The following KCNK2 variants were observed in gnomAD, a reference collection of about 807,000 sequenced individuals.
The protein encoded by KCNK2 is potassium two pore domain channel subfamily K member 2.
In KCNK2, 21 loss-of-function variants were observed where a neutral mutation model predicts 40.5. The ratio of observed to expected loss-of-function variants is 0.52; its 90% CI spans 0.37 to 0.75. KCNK2 has a LOEUF of 0.75. KCNK2 is among the 30% of genes least tolerant of loss of function. The pLI is 0.00. For synonymous variants in KCNK2, 191 were observed against 202.2 expected (o/e 0.94, Z 0.47); for missense variants, 399 against 531.6 (o/e 0.75, Z 2.45).
intron 1 of KCNK2, among the ~76,000 whole-genome samples, chr1:215,011,914 G>C (rs1304701351): frequency 7.3e-6 from 1 of 137,272 alleles, no homozygotes; most frequent in East Asian, 2.3e-4. Flanking sequence ...CCTTGAGTCT[G>C]ATTTTTTTTC....
At chr1:215,030,494 G>C (rs1261196893) in intron 1 of KCNK2, among the ~76,000 whole-genome samples, 2 of 151,666 alleles carry the variant, frequency 1.3e-5, no homozygotes, top group African/African-American at 4.8e-5. Context: ...CAGCCAGCCT[G>C]CTCAGTGTTT....
chr1:215,025,620 A>G (rs1445020441), intron 1 of KCNK2, among the ~76,000 whole-genome samples: 1 of 152,068 alleles, frequency 6.6e-6, no homozygotes, highest in Non-Finnish European at 1.5e-5. Context: ...TGTTTTTGTC[A>G]TTATTTGCAC....
intron 6 of KCNK2, among the ~76,000 whole-genome samples, chr1:215,210,594 T>C (rs1665699239): frequency 6.6e-6 from 1 of 152,116 alleles, no homozygotes; most frequent in Non-Finnish European, 1.5e-5. Context: ...GGTTTGATTG[T>C]CTATGATGTG....
chr1:215,120,974 A>G (rs554377975), intron 2 of KCNK2, among the ~76,000 whole-genome samples: 87 of 152,280 alleles, frequency 5.7e-4, no homozygotes, highest in African/African-American at 2.0e-3. Flanking sequence ...CCAACAGCCA[A>G]TATATTTAGT....
At chr1:215,149,077 C>A (rs1012240308) in intron 3 of KCNK2, among the ~76,000 whole-genome samples, 1 of 152,040 alleles carries the variant, frequency 6.6e-6, no homozygotes, top group Non-Finnish European at 1.5e-5. Context: ...TACAGAATAT[C>A]AAAACTGAAG....
intron 4 of KCNK2, among the ~76,000 whole-genome samples, chr1:215,170,292 T>C (rs922603918): frequency 6.6e-6 from 1 of 152,160 alleles, no homozygotes; most frequent in Non-Finnish European, 1.5e-5. Flanking sequence ...GTAGAATACA[T>C]GGAGATTTTC....
intron 6 of KCNK2, among the ~76,000 whole-genome samples, chr1:215,205,365 G>T (rs1452672913): frequency 1.3e-5 from 2 of 152,046 alleles, no homozygotes; most frequent in Non-Finnish European, 2.9e-5. Context: ...AGCCTCCCAA[G>T]TAGCTGGGAC....
At chr1:215,151,552 A>C (rs1662684845) in intron 3 of KCNK2, among the ~76,000 whole-genome samples, 1 of 152,092 alleles carries the variant, frequency 6.6e-6, no homozygotes, top group African/African-American at 2.4e-5. Flanking sequence ...ATTTTTATAT[A>C]AGTTCATGAA....
chr1:215,229,254 G>T (rs1666522140), intron 6 of KCNK2, among the ~76,000 whole-genome samples: 1 of 136,756 alleles, frequency 7.3e-6, no homozygotes, highest in Non-Finnish European at 1.6e-5. Flanking sequence ...TTCTTGCCTT[G>T]GTTTAGTTTT....
At chr1:215,077,612 T>C (rs1458914648) in intron 1 of KCNK2, among the ~76,000 whole-genome samples, 1 of 152,062 alleles carries the variant, frequency 6.6e-6, no homozygotes, top group Non-Finnish European at 1.5e-5. Flanking sequence ...TTAATTAAAA[T>C]CCAGATGCCA....
At chr1:215,124,899 A>C in intron 3 of KCNK2, 149 bp downstream of exon 3, 1 of 639,312 alleles carries the variant, frequency 1.6e-6, no homozygotes. Flanking sequence ...AGGGGATTTA[A>C]AGATTTAAAC....
chr1:215,099,945 G>C (rs918328281), intron 2 of KCNK2, among the ~76,000 whole-genome samples: 5 of 151,902 alleles, frequency 3.3e-5, no homozygotes, highest in African/African-American at 1.2e-4. Context: ...TGCAATAAAG[G>C]GTGATTTGAA....
At chr1:215,098,400 C>T (rs1660071970) in intron 2 of KCNK2, among the ~76,000 whole-genome samples, 1 of 151,860 alleles carries the variant, frequency 6.6e-6, no homozygotes, top group African/African-American at 2.4e-5. Context: ...GGGCAGCCTG[C>T]TTATTTTCCC....
rs900335633 is a variant in KCNK2, at chr1:215,236,922, A to G, written c.*1777A>G. The G allele has an allele frequency of 6.6e-6, 1 of 152,612 alleles. No homozygotes were observed. Among genetic ancestry groups the G allele is most frequent in the Non-Finnish European group, 1.5e-5 (1 of 68,020 alleles). 9.5% of individuals were successfully genotyped at this position (152,612 alleles called of 1,614,324 possible). Reference sequence around the variant, plus strand: ...AATATTCAATTAATTTGTTAAAAGTACTTTTATAAAGTTAAAAAAAATCCA... The same window carrying G: ...AATATTCAATTAATTTGTTAAAAGTGCTTTTATAAAGTTAAAAAAAATCCA... On this transcript the variant is annotated 3_prime_UTR_variant, in exon 7 of 7. Coordinates refer to ENST00000444842, the MANE Select transcript of KCNK2 (RefSeq NM_001017425.3).
chr1:215,164,383 T>C (rs1284268020), intron 3 of KCNK2, among the ~76,000 whole-genome samples: 1 of 152,182 alleles, frequency 6.6e-6, no homozygotes, highest in Non-Finnish European at 1.5e-5. Context: ...GATTCATTGA[T>C]GTTTTGAAGA....
At chr1:215,041,602 T>C (rs868516028) in intron 1 of KCNK2, among the ~76,000 whole-genome samples, 1 of 152,218 alleles carries the variant, frequency 6.6e-6, no homozygotes, top group Non-Finnish European at 1.5e-5. Flanking sequence ...ATTAGCTAGC[T>C]GAAAATGTTG....
intron 1 of KCNK2, among the ~76,000 whole-genome samples, chr1:215,064,974 G>A (rs1377183): frequency 0.51 from 77,974 of 151,938 alleles, 20,778 homozygotes; most frequent in South Asian, 0.81. Context: ...TGTCAAACAG[G>A]TTCATTTGTT....
At position 215,091,426 on chromosome 1, in the gene KCNK2, A is replaced by G. The variant is rs149136698; in HGVS notation, c.357+4748A>G. Among the ~76,000 whole-genome samples, 30 of 152,322 alleles carry G rather than the reference A, an allele frequency of 2.0e-4. No homozygotes were observed. The East Asian group carries it at 5.0e-3, about 25-fold the overall frequency. On this transcript the variant is annotated intron_variant, in intron 2 of 6. Transcript: ENST00000444842. The stretch of plus-strand genomic sequence containing the variant: ...TGTGTAGCAGAGGATACTCGGAGCT[A>G]CAGGATAAATAAATAAACATGCCTT...
At chr1:215,093,333 A>G (rs1659773700) in intron 2 of KCNK2, among the ~76,000 whole-genome samples, 1 of 143,556 alleles carries the variant, frequency 7.0e-6, no homozygotes, top group Non-Finnish European at 1.5e-5. Context: ...ATATACATAT[A>G]TTAAATATAC....
Sources: gnomAD v4.1 joint callset for allele counts (sites outside exome capture counted in the v4.1 genomes callset) on GRCh38, gnomAD v4.1.1 for gene constraint, MANE v1.5 for transcripts, NCBI Gene and HGNC (gene_info 2026-07-23, HGNC 2026-07-21) for gene names.